Variants in PELI1 observed in about 807,000 individuals in gnomAD.
PELI1 encodes the protein pellino E3 ubiquitin protein ligase 1, also known as E3 ubiquitin-protein ligase pellino homolog 1.
Under a neutral mutation model 41.3 loss-of-function variants are expected in PELI1, and 15 were observed. The ratio of observed to expected loss-of-function variants is 0.36; its 90% CI spans 0.24 to 0.56. PELI1 has a LOEUF of 0.56. Among genes scored for constraint, PELI1 ranks in the 20% least tolerant of loss-of-function variants. The pLI is 0.82. For missense variants in PELI1, 403 were observed against 525.5 expected, an observed-to-expected ratio of 0.77 and a Z score of 2.28; for synonymous variants, 178 against 180.1, an observed-to-expected ratio of 0.99 and a Z score of 0.09.
At chr2:64,108,890 T>C (rs766811228) in intron 1 of PELI1, among the ~76,000 whole-genome samples, 56 of 152,196 alleles carry the variant, frequency 3.7e-4, no homozygotes, top group Non-Finnish European at 7.4e-4. Flanking sequence ...AGGGACAGCC[T>C]GGCAAGACAG....
intron 1 of PELI1, among the ~76,000 whole-genome samples, chr2:64,132,460 T>C (rs887252420): frequency 1.9e-4 from 29 of 152,184 alleles, no homozygotes; most frequent in Non-Finnish European, 7.3e-5. Context: ...TCTCAGAACC[T>C]TGAGATTAAG....
chr2:64,121,388 C>T (rs1037035752), intron 1 of PELI1, among the ~76,000 whole-genome samples: 2 of 152,168 alleles, frequency 1.3e-5, no homozygotes, highest in Non-Finnish European at 2.9e-5. Flanking sequence ...ACTCTCTTAA[C>T]TTTGGAAGTA....
At chr2:64,122,063 G>A (rs1681235247) in intron 1 of PELI1, among the ~76,000 whole-genome samples, 1 of 151,564 alleles carries the variant, frequency 6.6e-6, no homozygotes, top group South Asian at 2.1e-4. Context: ...TCTCATATAT[G>A]CTTTCTTTAC....
chr2:64,104,625 A>G, intron 3 of PELI1, 76 bp downstream of exon 3: 2 of 1,464,716 alleles, frequency 1.4e-6, no homozygotes, highest in Non-Finnish European at 1.8e-6. Context: ...GGGGAATGCT[A>G]GAGAATACAA....
At position 64,108,334 on chromosome 2, in the gene PELI1, C is replaced by A; in HGVS notation, c.-24G>T. 6.8e-7 allele frequency: 1 copy of A among 1,479,524 alleles called. No homozygotes were observed. Among genetic ancestry groups the A allele is most frequent in the Non-Finnish European group, 9.5e-7 (1 of 1,057,802 alleles). The allele number at this position is 1,479,524 out of a possible 1,614,324, so 91.6% of individuals were successfully genotyped here. On this transcript the variant is annotated 5_prime_UTR_variant, in exon 2 of 7. Coordinates refer to ENST00000358912, the MANE Select transcript of PELI1 (RefSeq NM_020651.4). ...ATGAGCTTGGCTGTCTTTCTCAAAT[C>A]TTTGTTCACTGGTCAGGAGCCTTGG... is the stretch of plus-strand genomic sequence containing the variant.
At chr2:64,121,353 T>C (rs1185878952) in intron 1 of PELI1, among the ~76,000 whole-genome samples, 1 of 152,186 alleles carries the variant, frequency 6.6e-6, no homozygotes, top group Non-Finnish European at 1.5e-5. Context: ...CCTGAGGTCC[T>C]GCCATTCTTT....
chr2:64,099,166 A>G (rs1458808775), intron 4 of PELI1, among the ~76,000 whole-genome samples: 1 of 20,026 alleles, frequency 5.0e-5, no homozygotes, highest in Non-Finnish European at 1.0e-4. Context: ...TCTTGGAGAT[A>G]CACACACACA....
rs1252241773 is a variant in PELI1, at chr2:64,094,829, G to A, written c.1130C>T (p.Ala377Val). The change falls in exon 7 of 7, where the codon GCC becomes GTC. Residue 377 changes from alanine to valine, a missense_variant. Physicochemically the swap from Ala to Val is moderately conservative, Grantham distance 64. Coordinates refer to ENST00000358912, the MANE Select transcript of PELI1 (RefSeq NM_020651.4). ...AGGAAGTGGGATCTGGGACCAATAGGCAGTTGTCTTTTCTGAACACACATG... is the reference window on the plus strand; with the variant it reads ...AGGAAGTGGGATCTGGGACCAATAGACAGTTGTCTTTTCTGAACACACATG... ...CGHVCSEKTT[A>V]YWSQIPLPHG... The A allele has an allele frequency of 1.9e-6, 3 of 1,614,162 alleles. No individual in the cohort carries two copies. In the South Asian group the frequency reaches 3.3e-5, roughly 18 times the overall value.
chr2:64,095,938 C>A (rs139051100), intron 6 of PELI1, among the ~76,000 whole-genome samples, 187 bp downstream of exon 6: 1 of 152,080 alleles, frequency 6.6e-6, no homozygotes, highest in South Asian at 2.1e-4. Flanking sequence ...CCACCGCGCC[C>A]GGCTACTAAA....
intron 1 of PELI1, among the ~76,000 whole-genome samples, chr2:64,143,781 A>C (rs1682001193): frequency 6.6e-6 from 1 of 151,878 alleles, no homozygotes; most frequent in Non-Finnish European, 1.5e-5. Context: ...CCCCTCTCGC[A>C]GCCGGAGCGC....
In PELI1 at chr2:64,094,871, G is replaced by A. The variant is rs780701539; in HGVS notation, c.1088C>T (p.Ala363Val). The A allele has an allele frequency of 1.9e-6, 3 of 1,614,034 alleles. No homozygotes were observed. Among genetic ancestry groups the A allele is most frequent in the Non-Finnish European group, 2.5e-6 (3 of 1,180,044 alleles). ...ACACACATGCCCACACGGGCTAAACGCATGGGTTGGAGGGCCGGCGTCCAC... is the reference window on the plus strand; with the variant it reads ...ACACACATGCCCACACGGGCTAAACACATGGGTTGGAGGGCCGGCGTCCAC... ...FYVDAGPPTH[A>V]FSPCGHVCSE... The change falls in exon 7 of 7, where the codon GCG (alanine) becomes GTG (valine). Residue 363 changes from alanine (A) to valine (V), a missense_variant. By Grantham distance (64) the Ala-to-Val change is moderately conservative. Coordinates refer to ENST00000358912, the MANE Select transcript of PELI1 (RefSeq NM_020651.4).
chr2:64,139,373 A>G (rs1681820966), intron 1 of PELI1, among the ~76,000 whole-genome samples: 1 of 152,082 alleles, frequency 6.6e-6, no homozygotes, highest in Non-Finnish European at 1.5e-5. Context: ...TGGTGCAATC[A>G]TGGTTCACTG....
chr2:64,119,095 T>C (rs181302459), intron 1 of PELI1, among the ~76,000 whole-genome samples: 171 of 152,282 alleles, frequency 1.1e-3, no homozygotes, highest in Admixed American at 1.8e-3. Flanking sequence ...TGTAGTGATA[T>C]TTCTTAGGCT....
At chr2:64,132,441 G>A (rs1681587234) in intron 1 of PELI1, among the ~76,000 whole-genome samples, 1 of 152,202 alleles carries the variant, frequency 6.6e-6, no homozygotes, top group Non-Finnish European at 1.5e-5. Context: ...AAGTCCCGGT[G>A]AGGCTTGTTC....
intron 2 of PELI1, among the ~76,000 whole-genome samples, chr2:64,105,279 T>G (rs1286835783): frequency 6.6e-6 from 1 of 152,204 alleles, no homozygotes; most frequent in African/African-American, 2.4e-5. Flanking sequence ...AGCTGAACTT[T>G]TGAAGTAAGG....
intron 1 of PELI1, 85 bp downstream of exon 1, chr2:64,143,996 C>T (rs1682017394): frequency 6.6e-6 from 1 of 151,410 alleles, no homozygotes; most frequent in African/African-American, 2.4e-5. Context: ...GGGGAAGCCG[C>T]CGAGGAAGTT....
chr2:64,108,974 A>G (rs955727695), intron 1 of PELI1, among the ~76,000 whole-genome samples: 11 of 152,180 alleles, frequency 7.2e-5, no homozygotes, highest in African/African-American at 2.7e-4. Context: ...ACCCACACCA[A>G]CGAAAGCTAA....
At chr2:64,113,636 A>T (rs949344450) in intron 1 of PELI1, among the ~76,000 whole-genome samples, 29 of 152,322 alleles carry the variant, frequency 1.9e-4, no homozygotes, top group South Asian at 8.3e-4. Context: ...AAAAAATTTT[A>T]AAATAAACAT....
At chr2:64,127,330 G>A (rs1681424250) in intron 1 of PELI1, among the ~76,000 whole-genome samples, 1 of 152,208 alleles carries the variant, frequency 6.6e-6, no homozygotes, top group African/African-American at 2.4e-5. Context: ...CTTGAGCACA[G>A]GAGTTTGAGG....
Sources: gnomAD v4.1 joint callset for allele counts (sites outside exome capture counted in the v4.1 genomes callset) on GRCh38, gnomAD v4.1.1 for gene constraint, MANE v1.5 for transcripts, NCBI Gene and HGNC (gene_info 2026-07-23, HGNC 2026-07-21) for gene names.